GIT2: variants seen among roughly 807,000 people sequenced by gnomAD.
GIT2 encodes the protein GIT ArfGAP 2, also known as ARF GTPase-activating protein GIT2.
A neutral mutation model predicts 100.3 loss-of-function variants in GIT2; 32 were observed. The observed-to-expected ratio is 0.32, with a 90% confidence interval of 0.24 to 0.43. The LOEUF is 0.43. Among genes scored for constraint, GIT2 ranks in the 20% least tolerant of loss-of-function variants. The pLI is 1.00. For synonymous variants in GIT2, 353 were observed against 364.1 expected (o/e 0.97, Z 0.35); for missense variants, 737 against 975.1 (o/e 0.76, Z 3.25).
In GIT2 at chr12:109,971,545, C is replaced by T. The variant is rs1196114670; in HGVS notation, c.719-4042G>A. The stretch of plus-strand genomic sequence containing the variant: ...TTCCCCATGTTAACCAGGCTGGTAT[C>T]GAACTCGACCTCAGGTGACCCACCC... On this transcript the variant is annotated intron_variant, in intron 7 of 19. Coordinates refer to ENST00000355312, the MANE Select transcript of GIT2 (RefSeq NM_057169.5). Among the ~76,000 whole-genome samples, 4 of 151,422 alleles carry T rather than the reference C, an allele frequency of 2.6e-5. No individual in the cohort carries two copies. In the South Asian group the frequency reaches 6.3e-4, roughly 24 times the overall value.
intron 11 of GIT2, 146 bp downstream of exon 11, chr12:109,961,132 T>C (rs1274477384): frequency 1.9e-5 from 10 of 520,748 alleles, no homozygotes; most frequent in African/African-American, 1.5e-4. Context: ...GTTTTTCTTA[T>C]CAATTTGGGG....
In GIT2 at chr12:109,932,683, C is replaced by A. The variant is rs116835245; in HGVS notation, c.*295G>T. ...GTTTTAAGGGATGGAAAAGTTTTCA[C>A]AAACTTTAGACAATGAAACTATACT... On this transcript the variant is annotated 3_prime_UTR_variant, in exon 20 of 20. Coordinates refer to ENST00000355312, the MANE Select transcript of GIT2 (RefSeq NM_057169.5). 377 of 230,580 alleles carry A rather than the reference C, an allele frequency of 1.6e-3. 2 individuals carry two copies. The highest frequency in any genetic ancestry group is 8.2e-3 in the African/African-American group (363 of 44,138). The allele number at this position is 230,580 out of a possible 1,614,324, so 14.3% of individuals were successfully genotyped here.
chr12:109,954,966 CATAAAT>C (rs796825766), intron 12 of GIT2, among the ~76,000 whole-genome samples: 63 of 151,528 alleles, frequency 4.2e-4, no homozygotes, highest in African/African-American at 1.4e-3. Context: ...TTTTAAAACA[CATAAAT>C]ATAATTACAG....
intron 5 of GIT2, 44 bp downstream of exon 5, chr12:109,983,564 A>C: frequency 6.3e-7 from 1 of 1,593,120 alleles, no homozygotes; most frequent in African/African-American, 1.3e-5. Flanking sequence ...ACATGAACAC[A>C]ACTCACTTAG....
At chr12:109,996,485 C>A (rs1889460226), upstream of GIT2, 6 of 456,208 alleles carry the variant, frequency 1.3e-5, no homozygotes, top group South Asian at 2.1e-4. Flanking sequence ...TATCATCTGT[C>A]CTACCTTTAA....
chr12:109,979,492 C>G (rs1347580205), intron 7 of GIT2, among the ~76,000 whole-genome samples: 1 of 152,104 alleles, frequency 6.6e-6, no homozygotes, highest in Non-Finnish European at 1.5e-5. Context: ...CCAGGATGAT[C>G]TGGATCTCCT....
intron 6 of GIT2, 164 bp from the exon 7 acceptor site, chr12:109,981,210 C>A (rs1328631732): frequency 2.7e-5 from 16 of 595,386 alleles, no homozygotes; most frequent in Non-Finnish European, 4.8e-5. Flanking sequence ...TACTTTGCAT[C>A]CCACTTTTAT....
chr12:109,956,391 G>A (rs1879468167), intron 12 of GIT2, among the ~76,000 whole-genome samples: 1 of 152,118 alleles, frequency 6.6e-6, no homozygotes, highest in African/African-American at 2.4e-5. Context: ...TGACTAACAT[G>A]GCACTAAATA....
At chr12:109,987,902 GA>G (rs1887701030) in intron 4 of GIT2, among the ~76,000 whole-genome samples, 1 of 152,146 alleles carries the variant, frequency 6.6e-6, no homozygotes, top group South Asian at 2.1e-4. Flanking sequence ...CCCACATAAA[GA>G]AAACCACCTC....
At chr12:109,965,477 G>A in intron 9 of GIT2, 49 bp downstream of exon 9, 1 of 1,012,678 alleles carries the variant, frequency 9.9e-7, no homozygotes, top group Non-Finnish European at 1.5e-6. Flanking sequence ...GTATCAGCAG[G>A]GTGCACTGAT....
At position 109,951,269 on chromosome 12, in the gene GIT2, A is replaced by T. The variant is rs34172917; in HGVS notation, c.1290T>A (p.Phe430Leu). 853 of 1,611,832 alleles carry T rather than the reference A, an allele frequency of 5.3e-4. 2 individuals carry two copies. The African/African-American group carries it at 9.3e-3, about 18-fold the overall frequency. The change falls in exon 14 of 20, where the codon TTT (phenylalanine) becomes TTA (leucine). Residue 430 changes from phenylalanine to leucine, a missense_variant. Physicochemically the swap from Phe to Leu is conservative, Grantham distance 22. This residue lies in a region of GIT2 where 451 missense variants were observed against 543.7 expected (regional missense o/e 0.83). Transcript: ENST00000355312. The part of the protein sequence containing the change: ...LSDGPVTVQE[F>L]MEVKNALVAS... ...CCACTAGAGCGTTTTTGACCTCCAT[A>T]AATTCCTGTACAGTGACTGGTCCAT...
rs755822981 is a variant in GIT2, at chr12:109,991,644, G to A, written c.169C>T (p.Pro57Ser). The part of the protein sequence containing the change: ...QVRHLKHTPW[P>S]PTLLQMVETL... ...TCCTTTACCTGAAGCAGTGTTGGAG[G>A]CCACGGTGTGTGTTTCAGATGCCTC... Residue 57 changes from proline to serine, a missense_variant, in exon 2 of 20, where the codon CCT becomes TCT. Pro to Ser is a moderately conservative substitution (Grantham distance 74, BLOSUM62 -1). Around this residue, in one of 3 missense-constraint regions of GIT2, gnomAD observed 266 missense variants for 376.2 expected, o/e 0.71. Transcript: ENST00000355312. 1.9e-6 allele frequency: 3 copies of A among 1,613,022 alleles called. No individual in the cohort carries two copies. Among genetic ancestry groups the A allele is most frequent in the Non-Finnish European group, 2.5e-6 (3 of 1,179,130 alleles).
At chr12:109,946,770 G>A (rs1177041537) in intron 15 of GIT2, among the ~76,000 whole-genome samples, 1 of 152,108 alleles carries the variant, frequency 6.6e-6, no homozygotes, top group East Asian at 1.9e-4. Flanking sequence ...GCCTTGCCTG[G>A]GTACCTGGGC....
chr12:109,960,074 A>T, intron 11 of GIT2, 116 bp from the exon 12 acceptor site: 1 of 703,002 alleles, frequency 1.4e-6, no homozygotes, highest in Non-Finnish European at 2.5e-6. Context: ...TTCTGGCATG[A>T]TCAAAGTACA....
In GIT2 at chr12:109,954,440, T is replaced by C. The variant is rs146464112; in HGVS notation, c.1100-1206A>G. The stretch of plus-strand genomic sequence containing the variant: ...TCTATCCCATAGGGAGCAGGGATTA[T>C]TCTAGAGGATCTAATACACTTTGAA... On this transcript the variant is annotated intron_variant, in intron 12 of 19. Transcript: ENST00000355312. 2.6e-5 allele frequency: 4 copies of C among 152,326 alleles called. No homozygotes were observed. In the East Asian group the frequency reaches 7.7e-4, roughly 29 times the overall value. 9.4% of individuals were successfully genotyped at this position (152,326 alleles called of 1,614,324 possible).
chr12:109,942,493 C>G (rs1373775450), intron 16 of GIT2, among the ~76,000 whole-genome samples: 2 of 152,098 alleles, frequency 1.3e-5, no homozygotes, highest in Non-Finnish European at 2.9e-5. Context: ...ACCGCCACAC[C>G]TGGCTAATTT....
At chr12:109,972,282 AAC>A (rs1450157428) in intron 7 of GIT2, among the ~76,000 whole-genome samples, 2 of 152,162 alleles carry the variant, frequency 1.3e-5, no homozygotes, top group Non-Finnish European at 2.9e-5. Flanking sequence ...TTTGAAAGCA[AAC>A]ACAGTCTTTC....
At position 109,945,294 on chromosome 12, in the gene GIT2, G is replaced by A. The variant is rs1484868302; in HGVS notation, c.1697C>T (p.Thr566Ile). Residue 566 changes from threonine to isoleucine, a missense_variant, in exon 16 of 20, where the codon ACA becomes ATA. By Grantham distance (89) the Thr-to-Ile change is moderately conservative. Coordinates refer to ENST00000355312, the MANE Select transcript of GIT2 (RefSeq NM_057169.5). ...SSSSLPSFPS[T>I]LSWSRDESAR... ...GCTTTCGTCCCTCGACCAGGAAAGTGTGGAGGGGAAGGAAGGCAGAGATGA... is the reference window on the plus strand; with the variant it reads ...GCTTTCGTCCCTCGACCAGGAAAGTATGGAGGGGAAGGAAGGCAGAGATGA... 2.5e-6 allele frequency: 4 copies of A among 1,585,634 alleles called. No individual in the cohort carries two copies. Among genetic ancestry groups the A allele is most frequent in the Admixed American group, 3.3e-5 (2 of 59,910 alleles).
rs771073685 is a variant in GIT2, at chr12:109,951,248, T to G, written c.1311A>C (p.Leu437=). 3 of 1,611,374 alleles carry G rather than the reference T, an allele frequency of 1.9e-6. No individual in the cohort carries two copies. Among genetic ancestry groups the G allele is most frequent in the Non-Finnish European group, 2.5e-6 (3 of 1,177,436 alleles). The change falls in exon 14 of 20, where the codon CTA becomes CTC. Residue 437 remains leucine (L), a synonymous_variant. Coordinates refer to ENST00000355312, the MANE Select transcript of GIT2 (RefSeq NM_057169.5). ...GCTGTATCTTGGCCTCAGAAGCCAC[T>G]AGAGCGTTTTTGACCTCCATAAATT... is the stretch of plus-strand genomic sequence containing the variant. The part of the protein sequence containing the change: ...VQEFMEVKNA[L]VASEAKIQQL...
Sources: allele counts gnomAD v4.1 joint callset (sites outside exome capture counted in the v4.1 genomes callset), GRCh38; gene constraint gnomAD v4.1.1; regional missense constraint gnomAD v4.1.1; transcripts MANE v1.5; gene names NCBI Gene and HGNC (gene_info 2026-07-23, HGNC 2026-07-21).